MYO7B: variants seen among roughly 807,000 people sequenced by gnomAD.
The protein encoded by MYO7B is myosin VIIB, also known as unconventional myosin-VIIb.
In MYO7B, 212 loss-of-function variants were observed where a neutral mutation model predicts 259.7. That is an observed-to-expected ratio of 0.82 (90% confidence interval 0.73 to 0.91). MYO7B has a LOEUF of 0.91. MYO7B is among the 40% of genes least tolerant of loss of function. The probability of loss-of-function intolerance (pLI) is 0.00; values close to 1 mark genes in which losing one functional copy is unlikely to be tolerated. For synonymous variants in MYO7B, 1,197 were observed against 1,166.4 expected, an observed-to-expected ratio of 1.03 and a Z score of -0.54; for missense variants, 2,732 against 2,813.5, an observed-to-expected ratio of 0.97 and a Z score of 0.66.
intron 31 of MYO7B, 106 bp from the exon 32 acceptor site, chr2:127,626,869 T>G: frequency 9.4e-7 from 1 of 1,067,110 alleles, no homozygotes; most frequent in Non-Finnish European, 1.4e-6. Context: ...ACTGGCCTTG[T>G]AGAGCCTTCT....
chr2:127,592,675 C>A (rs1300599719), intron 16 of MYO7B, 119 bp from the exon 17 acceptor site: 3 of 1,201,486 alleles, frequency 2.5e-6, no homozygotes, highest in Non-Finnish European at 2.2e-6. Flanking sequence ...GTGGGCGGGG[C>A]GGGGGGCTGG....
Position 127,585,903 on chromosome 2 carries a change from C to T in MYO7B, c.1690+990C>T, listed in dbSNP as rs1365068506. The stretch of plus-strand genomic sequence containing the variant: ...AGGGATGTCTATTTAAATGCTCTGC[C>T]TGTGTTTTCACTGGGTTGTCTTTTC... On this transcript the variant is annotated intron_variant, in intron 14 of 47. Transcript: ENST00000409816. This position sits in a 1 kb window ranked among gnomAD's most constrained non-coding sequence, Gnocchi z 4.3. 6.6e-6 allele frequency among the ~76,000 whole-genome samples: 1 copy of T among 152,216 alleles called. No homozygotes were observed. Among genetic ancestry groups the T allele is most frequent in the East Asian group, 1.9e-4 (1 of 5,198 alleles).
At chr2:127,587,826 C>A (rs967315723) in intron 14 of MYO7B, among the ~76,000 whole-genome samples, 1 of 152,026 alleles carries the variant, frequency 6.6e-6, no homozygotes, top group African/African-American at 2.4e-5. Flanking sequence ...CTCAGCCTCC[C>A]AAAGTGCTGG....
Position 127,585,779 on chromosome 2 carries a change from G to A in MYO7B, c.1690+866G>A, listed in dbSNP as rs1679280542. 1.3e-5 allele frequency among the ~76,000 whole-genome samples: 2 copies of A among 152,186 alleles called. 1 individual carries two copies. Among genetic ancestry groups the A allele is most frequent in the South Asian group, 4.1e-4 (2 of 4,832 alleles). On this transcript the variant is annotated intron_variant, in intron 14 of 47. Transcript: ENST00000409816. This position sits in a 1 kb window ranked among gnomAD's most constrained non-coding sequence, Gnocchi z 4.3. Reference sequence around the variant, plus strand: ...TTTGTTATTATAGCTACCCTAGTGGGTTTGAAGTCTCAATGTGATTTGCAT... The same window carrying A: ...TTTGTTATTATAGCTACCCTAGTGGATTTGAAGTCTCAATGTGATTTGCAT...
At chr2:127,598,650 C>A (rs1403379776) in intron 19 of MYO7B, among the ~76,000 whole-genome samples, 3 of 152,126 alleles carry the variant, frequency 2.0e-5, no homozygotes, top group Non-Finnish European at 4.4e-5. Context: ...TCTAAGAACT[C>A]TTTTCGTCAA....
In MYO7B at chr2:127,559,600, A is replaced by G; in HGVS notation, c.-23-100A>G. 1.9e-6 allele frequency: 2 copies of G among 1,070,758 alleles called. No homozygotes were observed. Among genetic ancestry groups the G allele is most frequent in the Non-Finnish European group, 2.9e-6 (2 of 690,954 alleles). 66.3% of individuals were successfully genotyped at this position (1,070,758 alleles called of 1,614,324 possible). On this transcript the variant is annotated intron_variant, in intron 1 of 47. Transcript: ENST00000409816. This position sits in a 1 kb window ranked among gnomAD's most constrained non-coding sequence, Gnocchi z 4.1. The stretch of plus-strand genomic sequence containing the variant: ...TTTTGAGCCAGGTCCCATGCCGGGC[A>G]CTTAGGGAAGTGTTGGTGAACAAGC...
At position 127,578,120 on chromosome 2, in the gene MYO7B, C is replaced by A. The variant is rs765007961; in HGVS notation, c.850-13C>A. ...GGGGATGGCCCCATTCACTGAGGCA[C>A]CCTGTCCCTCAGGGGAACTGCACTT... is the stretch of plus-strand genomic sequence containing the variant. On this transcript the variant is annotated splice_polypyrimidine_tract_variant and intron_variant, in intron 8 of 47. Transcript: ENST00000409816. The A allele has an allele frequency of 3.7e-6, 6 of 1,613,284 alleles. No individual in the cohort carries two copies. The highest frequency in any genetic ancestry group is 5.1e-6 in the Non-Finnish European group (6 of 1,179,658).
At position 127,590,232 on chromosome 2, in the gene MYO7B, A is replaced by G. The variant is rs774013679; in HGVS notation, c.1992+3A>G. Reference sequence around the variant, plus strand: ...CTAATGAGTACAAGAAGCCGCTGGTAATGACAGGAGGCTGGGGCACAGCAA... The same window carrying G: ...CTAATGAGTACAAGAAGCCGCTGGTGATGACAGGAGGCTGGGGCACAGCAA... On this transcript the variant is annotated splice_donor_region_variant and intron_variant, in intron 16 of 47. Coordinates refer to ENST00000409816, the MANE Select transcript of MYO7B (RefSeq NM_001393586.1). The surrounding 1 kb of genome is among the most constrained non-coding windows in gnomAD (Gnocchi z 4.6). The G allele has an allele frequency of 6.8e-6, 11 of 1,612,606 alleles. 1 individual carries two copies. Among genetic ancestry groups the G allele is most frequent in the Middle Eastern group, 1.6e-4 (1 of 6,076 alleles).
chr2:127,564,208 G>A lies in MYO7B; in HGVS notation c.74G>A (p.Gly25Glu), dbSNP rs753576501. ...ACCCACAAGACCGGCGTGGCCATCG[G>A]GGGCATCATCAAAGAGGCAAAGCCA... is the stretch of plus-strand genomic sequence containing the variant. ...PSTHKTGVAIGGIIKEAKPGK... is the reference protein window; with the variant it reads ...PSTHKTGVAIEGIIKEAKPGK... Residue 25 changes from glycine (G) to glutamate (E), a missense_variant, in exon 3 of 48, where the codon GGG becomes GAG. Gly to Glu is a moderately conservative substitution (Grantham distance 98). Around this residue, in one of 3 missense-constraint regions of MYO7B, gnomAD observed 1,906 missense variants for 2,026.4 expected, o/e 0.94. Transcript: ENST00000409816. 3 of 1,580,382 alleles carry A rather than the reference G, an allele frequency of 1.9e-6. No homozygotes were observed. The Admixed American group carries it at 5.5e-5, about 29-fold the overall frequency.
intron 29 of MYO7B, among the ~76,000 whole-genome samples, chr2:127,623,753 C>A (rs544316518): frequency 1.1e-3 from 161 of 152,338 alleles, no homozygotes; most frequent in African/African-American, 3.7e-3. Flanking sequence ...CCAGCACAGA[C>A]CCTCACCGCC....
chr2:127,574,146 C>A, intron 7 of MYO7B, 84 bp downstream of exon 7: 1 of 1,541,270 alleles, frequency 6.5e-7, no homozygotes, highest in Non-Finnish European at 8.8e-7. Flanking sequence ...CTCACCTCTC[C>A]TCCCCTCTTC....
In MYO7B at chr2:127,577,474, T is replaced by C. The variant is rs1678918293; in HGVS notation, c.850-659T>C. Among the ~76,000 whole-genome samples the C allele has an allele frequency of 6.6e-6, 1 of 151,998 alleles. No homozygotes were observed. Among genetic ancestry groups the C allele is most frequent in the Non-Finnish European group, 1.5e-5 (1 of 67,972 alleles). ...CGGCTTGTAGGGTAGAAGTCCAAAC[T>C]CCTCCATGTGGTTTCCAGGTCCCTC... On this transcript the variant is annotated intron_variant, in intron 8 of 47. Transcript: ENST00000409816. The surrounding 1 kb of genome is among the most constrained non-coding windows in gnomAD (Gnocchi z 5.2).
chr2:127,636,552 C>T lies in MYO7B; in HGVS notation c.6131C>T (p.Ser2044Leu), dbSNP rs750767082. The T allele has an allele frequency of 8.1e-6, 13 of 1,610,678 alleles. No homozygotes were observed. The highest frequency in any genetic ancestry group is 2.2e-5 in the East Asian group (1 of 44,682). ...CGTGTCCCTCCCTCCCAGCAAACCT[C>T]GGAGCCTTCCTACCCGGACGTCATC... ...GSAFFEVKQT[S>L]EPSYPDVILI... The change falls in exon 46 of 48, where the codon TCG (serine) becomes TTG (leucine). Residue 2044 changes from serine (S) to leucine (L), a missense_variant. Ser to Leu is a moderately radical substitution (Grantham distance 145, BLOSUM62 -2). Around this residue, in one of 3 missense-constraint regions of MYO7B, gnomAD observed 821 missense variants for 769.3 expected, o/e 1.07. Coordinates refer to ENST00000409816, the MANE Select transcript of MYO7B (RefSeq NM_001393586.1). This position sits in a 1 kb window ranked among gnomAD's most constrained non-coding sequence, Gnocchi z 4.5.
Position 127,624,101 on chromosome 2 carries a change from C to T in MYO7B, c.3828C>T (p.Ser1276=). ...LQVAVYDKFW[S]LGSGRDHMMD... ...CCCGACTCTGGCCTCAGTTCTGGTC[C>T]CTGGGCAGCGGGCGCGACCACATGA... Residue 1276 remains serine, a synonymous_variant, in exon 30 of 48, where the codon TCC becomes TCT. Transcript: ENST00000409816. 1 of 1,567,082 alleles carries T rather than the reference C, an allele frequency of 6.4e-7. No individual in the cohort carries two copies. The highest frequency in any genetic ancestry group is 1.2e-5 in the South Asian group (1 of 85,098).
intron 28 of MYO7B, among the ~76,000 whole-genome samples, chr2:127,622,904 A>G (rs1229462166): frequency 6.6e-6 from 1 of 152,178 alleles, no homozygotes; most frequent in Non-Finnish European, 1.5e-5. Context: ...GATTCTCATA[A>G]AAGCAGCCAC....
intron 5 of MYO7B, among the ~76,000 whole-genome samples, chr2:127,568,574 G>C (rs1678455090): frequency 1.3e-5 from 2 of 152,328 alleles, no homozygotes; most frequent in South Asian, 4.1e-4. Flanking sequence ...CATAGTGATT[G>C]TGGGTATTTT....
At chr2:127,544,967 C>T (rs189519965) in intron 1 of MYO7B, among the ~76,000 whole-genome samples, 23 of 152,170 alleles carry the variant, frequency 1.5e-4, no homozygotes, top group South Asian at 4.1e-4. Flanking sequence ...CCTCATGATC[C>T]GCCCGCCTCG....
Position 127,590,371 on chromosome 2 carries a change from G to A in MYO7B, c.1992+142G>A. 1 of 1,224,346 alleles carries A rather than the reference G, an allele frequency of 8.2e-7. No individual in the cohort carries two copies. 75.8% of individuals were successfully genotyped at this position (1,224,346 alleles called of 1,614,324 possible). On this transcript the variant is annotated intron_variant, in intron 16 of 47. Transcript: ENST00000409816. The surrounding 1 kb of genome is among the most constrained non-coding windows in gnomAD (Gnocchi z 4.6). ...CTACCTTACAGATAAGTACACTGGG[G>A]TAAGGTGACCAGACTAGGTCATGTG...
At chr2:127,593,495 C>T (rs897930950) in intron 17 of MYO7B, 51 bp from the exon 18 acceptor site, 6 of 1,559,440 alleles carry the variant, frequency 3.8e-6, no homozygotes, top group Non-Finnish European at 3.5e-6. Context: ...AGAGAGCCGC[C>T]GAGGGGTCTC....
Sources: allele counts gnomAD v4.1 joint callset (sites outside exome capture counted in the v4.1 genomes callset), GRCh38; gene constraint gnomAD v4.1.1; regional missense constraint gnomAD v4.1.1; non-coding constraint Gnocchi (gnomAD v3.1); transcripts MANE v1.5; gene names NCBI Gene and HGNC (gene_info 2026-07-23, HGNC 2026-07-21).